The following PARP1 variants were observed in gnomAD, a reference collection of about 807,000 sequenced individuals.
The protein encoded by PARP1 is poly(ADP-ribose) polymerase 1.
A neutral mutation model predicts 118.7 loss-of-function variants in PARP1; 44 were observed. The ratio of observed to expected loss-of-function variants is 0.37; its 90% CI spans 0.29 to 0.48. The LOEUF (loss-of-function observed/expected upper bound fraction) is 0.48, where lower values mean the gene tolerates loss of function less well. Ranked by LOEUF, PARP1 falls within the 20% of genes least tolerant of loss-of-function variation. The pLI is 0.99. For synonymous variants in PARP1, 492 were observed against 483.2 expected (o/e 1.02, Z -0.24); for missense variants, 1,100 against 1,272.4 (o/e 0.86, Z 2.06).
chr1:226,380,956 T>G, intron 9 of PARP1, 112 bp downstream of exon 9: 1 of 1,183,100 alleles, frequency 8.5e-7, no homozygotes, highest in Non-Finnish European at 1.3e-6. Flanking sequence ...GCGATGATGA[T>G]GTTAAGATCC....
chr1:226,372,538 A>G (rs1160972747), intron 14 of PARP1, among the ~76,000 whole-genome samples: 1 of 152,106 alleles, frequency 6.6e-6, no homozygotes, highest in Non-Finnish European at 1.5e-5. Flanking sequence ...AGCCAGGCAC[A>G]GTCGTGCACG....
chr1:226,397,958 T>A (rs1664956486), intron 2 of PARP1, among the ~76,000 whole-genome samples: 1 of 143,690 alleles, frequency 7.0e-6, no homozygotes. Flanking sequence ...GACATCCACA[T>A]GCGAAAAAAA....
chr1:226,403,346 AT>A (rs1165490898), intron 1 of PARP1, among the ~76,000 whole-genome samples: 1 of 152,130 alleles, frequency 6.6e-6, no homozygotes, highest in East Asian at 1.9e-4. Flanking sequence ...TGCCTGGCTA[AT>A]TTTTGTATTG....
At chr1:226,366,184 G>C (rs1664262825) in intron 17 of PARP1, 132 bp from the exon 18 acceptor site, 1 of 709,316 alleles carries the variant, frequency 1.4e-6, no homozygotes, top group Admixed American at 2.0e-5. Context: ...CCGAGAGCCT[G>C]TGTCCCAGGC....
chr1:226,380,237 T>C, intron 9 of PARP1, 73 bp from the exon 10 acceptor site: 1 of 1,441,146 alleles, frequency 6.9e-7, no homozygotes, highest in South Asian at 1.2e-5. Flanking sequence ...TTACTACAGT[T>C]ATATTTAGTG....
At chr1:226,379,664 T>TA (rs1170017456) in intron 10 of PARP1, 23 bp from the exon 11 acceptor site, 2 of 1,573,494 alleles carry the variant, frequency 1.3e-6, no homozygotes, top group Non-Finnish European at 1.7e-6. Context: ...CAGAAAAATG[T>TA]AAACATGAAG....
Position 226,362,013 on chromosome 1 carries a change from G to C in PARP1, c.2919C>G (p.Thr973=). The C allele has an allele frequency of 6.2e-7, 1 of 1,612,964 alleles. No individual in the cohort carries two copies. The highest frequency in any genetic ancestry group is 8.5e-7 in the Non-Finnish European group (1 of 1,179,034). ...SLDGVDVPLG[T]GISSGVNDTS... Reference sequence around the variant, plus strand: ...TGTCATTCACACCAGATGAAATCCCGGTCCCAAGAGGAACGTCTACACCAT... The same window carrying C: ...TGTCATTCACACCAGATGAAATCCCCGTCCCAAGAGGAACGTCTACACCAT... The change falls in exon 22 of 23, where the codon ACC becomes ACG. Residue 973 remains threonine, a synonymous_variant. Transcript: ENST00000366794.
rs146413979 is a variant in PARP1, at chr1:226,395,698, T to C, written c.287-3384A>G. 6.6e-3 allele frequency among the ~76,000 whole-genome samples: 999 copies of C among 152,196 alleles called. 12 individuals carry two copies. The highest frequency in any genetic ancestry group is 0.023 in the African/African-American group (948 of 41,506). ...ACCTAAATTTCCACAGACATACAAA[T>C]GGGCAAATGAAATATGGCATATTCG... is the stretch of plus-strand genomic sequence containing the variant. On this transcript the variant is annotated intron_variant, in intron 2 of 22. Transcript: ENST00000366794.
chr1:226,390,457 C>T lies in PARP1; in HGVS notation c.570G>A (p.Glu190=). The T allele has an allele frequency of 1.2e-6, 2 of 1,614,190 alleles. No individual in the cohort carries two copies. Among genetic ancestry groups the T allele is most frequent in the Middle Eastern group, 1.7e-4 (1 of 6,050 alleles). The stretch of plus-strand genomic sequence containing the variant: ...GCTGCTTCTTCAGGGCTTCTTTATC[C>T]TCTGTAGCAAGGAGGCTGAAGCCCT... ...QLKGFSLLAT[E]DKEALKKQLP... is the part of the protein sequence containing the mutation. Residue 190 remains glutamate, a synonymous_variant, in exon 4 of 23, where the codon GAG becomes GAA. Coordinates refer to ENST00000366794, the MANE Select transcript of PARP1 (RefSeq NM_001618.4).
intron 1 of PARP1, 63 bp downstream of exon 1, chr1:226,407,742 AGCCTT>A: frequency 9.0e-7 from 1 of 1,113,128 alleles, no homozygotes. Context: ...GCCCTCCCCC[AGCCTT>A]CCCGGACACA....
At chr1:226,381,525 C>T (rs1484567162) in intron 8 of PARP1, among the ~76,000 whole-genome samples, 3 of 151,878 alleles carry the variant, frequency 2.0e-5, no homozygotes, top group African/African-American at 4.9e-5. Context: ...CATCTGCGGA[C>T]GAGGGACCAG....
intron 7 of PARP1, among the ~76,000 whole-genome samples, chr1:226,384,755 T>A (rs1428951467): frequency 6.6e-6 from 1 of 152,196 alleles, no homozygotes; most frequent in South Asian, 2.1e-4. Flanking sequence ...CAGGGGCCAG[T>A]GGAAATGGAG....
intron 1 of PARP1, 95 bp downstream of exon 1, chr1:226,407,715 G>GGGCCCC (rs1160835107): frequency 3.9e-6 from 5 of 1,297,714 alleles, no homozygotes; most frequent in Non-Finnish European, 5.1e-6. Context: ...GCCCGGGCCC[G>GGGCCCC]CTCGCTCCCT....
chr1:226,362,153 C>G (rs1210868079), intron 21 of PARP1, 70 bp from the exon 22 acceptor site: 1 of 863,034 alleles, frequency 1.2e-6, no homozygotes, highest in African/African-American at 1.7e-5. Context: ...GGGAGATGAG[C>G]TCTATTTGAT....
chr1:226,365,975 C>G lies in PARP1; in HGVS notation c.2484G>C (p.Ala828=). Reference sequence around the variant, plus strand: ...TTACATCGATGACTTCCAAGTCATACGCATTGTGTGTGGTTGCATGAGTGT... The same window carrying G: ...TTACATCGATGACTTCCAAGTCATAGGCATTGTGTGTGGTTGCATGAGTGT... ...VKNTHATTHN[A]YDLEVIDIFK... Residue 828 remains alanine (A), a synonymous_variant, in exon 18 of 23, where the codon GCG becomes GCC. Transcript: ENST00000366794. The G allele has an allele frequency of 6.2e-7, 1 of 1,610,872 alleles. No homozygotes were observed. The highest frequency in any genetic ancestry group is 1.3e-5 in the African/African-American group (1 of 74,908).
In PARP1 at chr1:226,370,925, C is replaced by A. The variant is rs1238907046; in HGVS notation, c.2071-408G>T. The A allele has an allele frequency of 1.9e-5, 5 of 257,636 alleles. No homozygotes were observed. In the East Asian group the frequency reaches 4.2e-4, roughly 22 times the overall value. The allele number at this position is 257,636 out of a possible 1,614,324, so 16.0% of individuals were successfully genotyped here. ...GAGCCAAGGCAGTTAGTTAAGTGCA[C>A]CCCTGGGTTCCCACCTGGAAAAGAA... On this transcript the variant is annotated intron_variant, in intron 14 of 22. Transcript: ENST00000366794.
intron 7 of PARP1, 104 bp from the exon 8 acceptor site, chr1:226,383,287 T>C (rs983629214): frequency 3.0e-4 from 268 of 907,248 alleles, no homozygotes; most frequent in Non-Finnish European, 4.5e-4. Context: ...ATCTCTTTTT[T>C]TCTTCTTACA....
chr1:226,406,321 T>C (rs1200924369), intron 1 of PARP1, among the ~76,000 whole-genome samples: 1 of 152,166 alleles, frequency 6.6e-6, no homozygotes, highest in East Asian at 1.9e-4. Context: ...CTACCTACCA[T>C]CCCACAGACC....
At chr1:226,402,077 C>G (rs149632681) in intron 2 of PARP1, 137 bp downstream of exon 2, 2 of 1,570,618 alleles carry the variant, frequency 1.3e-6, no homozygotes, top group Non-Finnish European at 1.7e-6. Flanking sequence ...GCTGAAATAA[C>G]ATGGGCACCA....
Sources: allele counts gnomAD v4.1 joint callset (sites outside exome capture counted in the v4.1 genomes callset), GRCh38; gene constraint gnomAD v4.1.1; transcripts MANE v1.5; gene names NCBI Gene and HGNC (gene_info 2026-07-23, HGNC 2026-07-21).